The following KCTD2 variants were observed in gnomAD, a reference collection of about 807,000 sequenced individuals.
KCTD2 encodes the protein potassium channel tetramerization domain containing 2.
Under a neutral mutation model 27.9 loss-of-function variants are expected in KCTD2, and 18 were observed. The observed-to-expected ratio is 0.64, with a 90% CI of 0.45 to 0.96. The LOEUF is 0.96. Among genes scored for constraint, KCTD2 ranks in the 40% least tolerant of loss-of-function variants. KCTD2 has a pLI of 0.00. For synonymous variants in KCTD2, 175 were observed against 148.4 expected (o/e 1.18, Z -1.30); for missense variants, 280 against 348.0 (o/e 0.80, Z 1.56).
intron 3 of KCTD2, among the ~76,000 whole-genome samples, chr17:75,054,409 C>T (rs1459374847): frequency 6.6e-5 from 10 of 152,166 alleles, no homozygotes; most frequent in Admixed American, 3.3e-4. Context: ...ATCTATTTCA[C>T]ATCCTGCCAT....
intron 3 of KCTD2, among the ~76,000 whole-genome samples, chr17:75,038,434 T>C (rs1567986291): frequency 6.6e-6 from 1 of 152,184 alleles, no homozygotes; most frequent in Admixed American, 6.5e-5. Flanking sequence ...TGAGCCACCA[T>C]GCCCAGCCCA....
At chr17:75,057,783 A>C (rs1598126801) in intron 3 of KCTD2, among the ~76,000 whole-genome samples, 1 of 149,840 alleles carries the variant, frequency 6.7e-6, no homozygotes, top group South Asian at 2.2e-4. Context: ...CTGGTCTTGA[A>C]CTCCCAACCT....
intron 3 of KCTD2, among the ~76,000 whole-genome samples, chr17:75,037,042 T>C (rs2073109224): frequency 6.6e-6 from 1 of 152,126 alleles, no homozygotes; most frequent in South Asian, 2.1e-4. Context: ...TCTTCTCCAA[T>C]ATACTCCGCC....
chr17:75,040,023 A>C (rs1598685646), intron 3 of KCTD2: 1 of 1,527,198 alleles, frequency 6.5e-7, no homozygotes, highest in South Asian at 1.1e-5. Flanking sequence ...CTCTAACTTA[A>C]CTTAGCTATA....
chr17:75,049,557 G>A (rs370039094), intron 2 of KCTD2, among the ~76,000 whole-genome samples: 2 of 152,278 alleles, frequency 1.3e-5, no homozygotes, highest in East Asian at 1.9e-4. Flanking sequence ...AGGTAGCTCC[G>A]CTTTGCAGAT....
chr17:75,049,489 G>T (rs1277450901), intron 2 of KCTD2, among the ~76,000 whole-genome samples, 161 bp downstream of exon 2: 1 of 152,240 alleles, frequency 6.6e-6, no homozygotes, highest in Non-Finnish European at 1.5e-5. Flanking sequence ...GTCTGAGGGA[G>T]TCATGATTAA....
intron 3 of KCTD2, chr17:75,039,879 G>C: frequency 1.7e-6 from 1 of 583,968 alleles, no homozygotes; most frequent in Non-Finnish European, 3.0e-6. Context: ...TACAAAGATG[G>C]AATCATATGC....
intron 3 of KCTD2, chr17:75,039,875 G>A (rs1317861043): frequency 3.5e-6 from 2 of 577,100 alleles, no homozygotes; most frequent in Admixed American, 6.5e-5. Context: ...GTCTTACAAA[G>A]ATGGAATCAT....
At chr17:75,047,693 A>G (rs1368548618) in intron 1 of KCTD2, 104 bp downstream of exon 1, 15 of 1,203,016 alleles carry the variant, frequency 1.2e-5, no homozygotes, top group Non-Finnish European at 1.6e-5. Flanking sequence ...CAGCCCCCTC[A>G]GGCCGGGACC....
chr17:75,047,376 C>G lies in KCTD2; in HGVS notation c.126C>G (p.Arg42=), dbSNP rs1361855466. 3 of 1,126,770 alleles carry G rather than the reference C, an allele frequency of 2.7e-6. No homozygotes were observed. The highest frequency in any genetic ancestry group is 3.3e-6 in the Non-Finnish European group (3 of 921,958). 69.8% of individuals were successfully genotyped at this position (1,126,770 alleles called of 1,614,324 possible). ...PSPRPAGPTP[R]GHGRPAAAVA... ...CACGCCCGGCTGGCCCCACGCCCCG[C>G]GGGCACGGCCGCCCGGCTGCCGCCG... Residue 42 remains arginine, a synonymous_variant, in exon 1 of 6, where the codon CGC becomes CGG. Coordinates refer to ENST00000322444, the MANE Select transcript of KCTD2 (RefSeq NM_015353.3).
chr17:75,040,502 G>A, intron 3 of KCTD2: 1 of 306,578 alleles, frequency 3.3e-6, no homozygotes. Flanking sequence ...ACCTTGAATT[G>A]TAAAGAAATT....
At position 75,042,056 on chromosome 17, in the gene KCTD2, A is replaced by G. The variant is rs888358625; in HGVS notation, c.-259+6699A>G. On this transcript the variant is annotated intron_variant, in intron 3 of 7. Transcript: ENST00000581589. ...TCAATCGACCACAAGGCCTTTGGCC[A>G]TACGCATCCTTCCTAAGCTTCCTTA... is the stretch of plus-strand genomic sequence containing the variant. 1.7e-5 allele frequency: 13 copies of G among 785,650 alleles called. No homozygotes were observed. In the African/African-American group the frequency reaches 1.8e-4, roughly 11 times the overall value. The allele number at this position is 785,650 out of a possible 1,614,324, so 48.7% of individuals were successfully genotyped here. A position where few individuals can be genotyped will look rare whatever the true frequency, so the allele number is the denominator to read the frequency against.
At chr17:75,042,629 G>A (rs764459721), upstream of KCTD2, 8 of 1,610,630 alleles carry the variant, frequency 5.0e-6, no homozygotes, top group African/African-American at 5.3e-5. Context: ...ATGGTTTTTA[G>A]AGCAAGTTTT....
intron 3 of KCTD2, among the ~76,000 whole-genome samples, chr17:75,057,555 C>A (rs1046980022): frequency 7.5e-6 from 1 of 133,356 alleles, no homozygotes; most frequent in Non-Finnish European, 1.6e-5. Context: ...AGCTATACCT[C>A]TTTTTTTTTT....
At chr17:75,049,660 AAGC>A (rs2144926334) in intron 2 of KCTD2, among the ~76,000 whole-genome samples, 1 of 152,328 alleles carries the variant, frequency 6.6e-6, no homozygotes, top group Non-Finnish European at 1.5e-5. Context: ...TAGTCTGAAG[AAGC>A]AAGACATCTC....
At chr17:75,061,971 G>T (rs373438974) in intron 4 of KCTD2, 149 bp from the exon 5 acceptor site, 3 of 788,904 alleles carry the variant, frequency 3.8e-6, no homozygotes, top group East Asian at 6.5e-5. Flanking sequence ...ATTTCTCCCC[G>T]GGGGCTTTGG....
rs1213315219 is a variant in KCTD2, at chr17:75,064,855, ACTTTGGAAGAGGCGCT to A, written c.*1810_*1825del. The A allele has an allele frequency of 6.6e-6, 1 of 152,186 alleles. No homozygotes were observed. The highest frequency in any genetic ancestry group is 2.4e-5 in the African/African-American group (1 of 41,444). 9.4% of individuals were successfully genotyped at this position (152,186 alleles called of 1,614,324 possible). On this transcript the variant is annotated 3_prime_UTR_variant, in exon 6 of 6. Coordinates refer to ENST00000322444, the MANE Select transcript of KCTD2 (RefSeq NM_015353.3). ...TGCTCTGAGCCGGGTAGGATGGAGG[ACTTTGGAAGAGGCGCT>A]CCTTGGCCAGGTCCAATGAGTAACA... is the stretch of plus-strand genomic sequence containing the variant.
chr17:75,034,271 G>A (rs1461466083), intron 2 of KCTD2, among the ~76,000 whole-genome samples: 2 of 152,096 alleles, frequency 1.3e-5, no homozygotes, highest in Non-Finnish European at 2.9e-5. Context: ...CGGAGAACCA[G>A]AGGTAAATGA....
intron 4 of KCTD2, chr17:75,060,433 A>G (rs2073392646): frequency 6.3e-7 from 1 of 1,598,604 alleles, no homozygotes; most frequent in African/African-American, 1.3e-5. Flanking sequence ...CAAAAAGCCA[A>G]AAAAGTCCTC....
Sources: gnomAD v4.1 joint callset for allele counts (sites outside exome capture counted in the v4.1 genomes callset) on GRCh38, gnomAD v4.1.1 for gene constraint, MANE v1.5 for transcripts, NCBI Gene and HGNC (gene_info 2026-07-23, HGNC 2026-07-21) for gene names.